The following DCC variants were observed in gnomAD, a reference collection of about 807,000 sequenced individuals.
The protein encoded by DCC is netrin receptor DCC.
Under a neutral mutation model 172.5 loss-of-function variants are expected in DCC, and 58 were observed. That is an observed-to-expected ratio of 0.34 (90% CI 0.27 to 0.42). DCC has a LOEUF of 0.42. DCC is among the 10% of genes least tolerant of loss of function. The pLI is 1.00. For synonymous variants in DCC, 709 were observed against 644.5 expected (o/e 1.10, Z -1.52); for missense variants, 1,740 against 1,791.0 (o/e 0.97, Z 0.51).
intron 1 of DCC, among the ~76,000 whole-genome samples, chr18:52,626,037 C>A (rs530458963): frequency 1.3e-5 from 2 of 152,270 alleles, no homozygotes; most frequent in East Asian, 3.9e-4. Context: ...AATGTACATA[C>A]TCTCTCTAAA....
chr18:53,322,566 A>C lies in DCC; in HGVS notation c.2164+409A>C, dbSNP rs564627863. 5.9e-5 allele frequency among the ~76,000 whole-genome samples: 9 copies of C among 152,116 alleles called. No homozygotes were observed. In the East Asian group the frequency reaches 1.7e-3, roughly 29 times the overall value. On this transcript the variant is annotated intron_variant, in intron 14 of 28. Transcript: ENST00000442544. ...TGCTTTTTTATGAGGCTTTTGAAAA[A>C]CATCTATATGTATTTTTTTACTTGC...
At chr18:52,379,740 A>G (rs1985506099) in intron 1 of DCC, among the ~76,000 whole-genome samples, 1 of 152,190 alleles carries the variant, frequency 6.6e-6, no homozygotes, top group African/African-American at 2.4e-5. Flanking sequence ...ATTTAGGGAC[A>G]GATTGAACAG....
chr18:52,703,147 T>A (rs1280894604), intron 1 of DCC, among the ~76,000 whole-genome samples: 1 of 152,226 alleles, frequency 6.6e-6, no homozygotes, highest in Non-Finnish European at 1.5e-5. Flanking sequence ...TCAATTATTC[T>A]AATTTTTAAA....
intron 6 of DCC, among the ~76,000 whole-genome samples, chr18:53,063,839 A>T (rs1360503807): frequency 6.6e-6 from 1 of 152,148 alleles, no homozygotes; most frequent in Non-Finnish European, 1.5e-5. Context: ...TACCCATTTT[A>T]ATACAGTTTT....
chr18:53,031,332 G>A (rs2042022862), intron 5 of DCC, among the ~76,000 whole-genome samples: 1 of 152,084 alleles, frequency 6.6e-6, no homozygotes, highest in African/African-American at 2.4e-5. Flanking sequence ...TCATAGACTA[G>A]ATATATTGCA....
chr18:52,676,653 G>C (rs1278085373), intron 1 of DCC, among the ~76,000 whole-genome samples: 2 of 152,034 alleles, frequency 1.3e-5, no homozygotes, highest in East Asian at 3.9e-4. Flanking sequence ...GTTCCCAGTG[G>C]GTGCACAAGA....
chr18:53,170,676 T>G (rs890963133), intron 8 of DCC, among the ~76,000 whole-genome samples: 1 of 152,218 alleles, frequency 6.6e-6, no homozygotes, highest in Non-Finnish European at 1.5e-5. Context: ...GTGCCATGTA[T>G]TTTTCTTTAG....
At chr18:52,905,949 T>G (rs912819771) in intron 2 of DCC, 95 bp from the exon 3 acceptor site, 25 of 912,388 alleles carry the variant, frequency 2.7e-5, no homozygotes, top group African/African-American at 4.9e-5. Context: ...TTGTAAAATA[T>G]AATTTTCTAC....
intron 1 of DCC, among the ~76,000 whole-genome samples, chr18:52,593,018 A>G (rs1268338059): frequency 6.6e-6 from 1 of 152,134 alleles, no homozygotes; most frequent in Non-Finnish European, 1.5e-5. Context: ...TTTTTGTCAT[A>G]TCTAGGATTG....
chr18:53,261,822 C>G (rs1426657099), intron 12 of DCC, among the ~76,000 whole-genome samples: 1 of 152,130 alleles, frequency 6.6e-6, no homozygotes, highest in Non-Finnish European at 1.5e-5. Context: ...TTCGTGGGGT[C>G]TGCCTCTGGG....
At chr18:53,332,566 T>C (rs1048563332) in intron 14 of DCC, among the ~76,000 whole-genome samples, 1 of 152,134 alleles carries the variant, frequency 6.6e-6, no homozygotes, top group Non-Finnish European at 1.5e-5. Flanking sequence ...AAAACCTATA[T>C]GGTTTGAAAA....
chr18:53,076,801 T>C (rs964549588), intron 7 of DCC, among the ~76,000 whole-genome samples: 2 of 152,152 alleles, frequency 1.3e-5, no homozygotes, highest in Admixed American at 6.6e-5. Context: ...TCTTAAGGAA[T>C]AGTGATTTGT....
intron 1 of DCC, among the ~76,000 whole-genome samples, chr18:52,449,104 C>A (rs936245770): frequency 3.3e-5 from 5 of 152,184 alleles, no homozygotes; most frequent in Middle Eastern, 3.4e-3. Context: ...TGGATGGCAA[C>A]AGGCAAAAAA....
chr18:53,209,487 A>G lies in DCC; in HGVS notation c.1861+1670A>G, dbSNP rs182232384. Among the ~76,000 whole-genome samples the G allele has an allele frequency of 5.6e-3, 854 of 152,260 alleles. 6 individuals are homozygous for G. The highest frequency in any genetic ancestry group is 0.023 in the Admixed American group (351 of 15,290). On this transcript the variant is annotated intron_variant, in intron 11 of 28. Transcript: ENST00000442544. ...ACTTTAGCTTGTGATTTCTTGACAGATCTATCATTGTTTATTCTGGGAAAG... is the reference window on the plus strand; with the variant it reads ...ACTTTAGCTTGTGATTTCTTGACAGGTCTATCATTGTTTATTCTGGGAAAG...
chr18:53,327,604 A>C (rs1473280031), intron 14 of DCC, among the ~76,000 whole-genome samples: 1 of 152,184 alleles, frequency 6.6e-6, no homozygotes, highest in Non-Finnish European at 1.5e-5. Context: ...ATGCAGCAAA[A>C]AAATGTGAAT....
At chr18:53,369,315 G>GT (rs1194730001) in intron 15 of DCC, among the ~76,000 whole-genome samples, 1 of 151,690 alleles carries the variant, frequency 6.6e-6, no homozygotes, top group Middle Eastern at 3.2e-3. Flanking sequence ...AGGTGTTTTG[G>GT]TTTTTTTGTA....
At chr18:52,798,098 T>C (rs1340758757) in intron 2 of DCC, among the ~76,000 whole-genome samples, 1 of 146,606 alleles carries the variant, frequency 6.8e-6, no homozygotes, top group African/African-American at 2.5e-5. Context: ...CATAGCAGCT[T>C]CTTCCTCTGG....
intron 1 of DCC, among the ~76,000 whole-genome samples, chr18:52,630,046 A>T (rs1293534736): frequency 6.6e-6 from 1 of 151,702 alleles, no homozygotes; most frequent in African/African-American, 2.4e-5. Flanking sequence ...GAACCCAGGA[A>T]GTAGAGGTTG....
chr18:53,194,463 TTTG>T (rs1054728351), intron 9 of DCC, among the ~76,000 whole-genome samples: 15 of 152,004 alleles, frequency 9.9e-5, no homozygotes, highest in Admixed American at 3.3e-4. Context: ...TGTTGTTGTT[TTTG>T]TTGTTGTTTG....
Sources: allele counts gnomAD v4.1 joint callset (sites outside exome capture counted in the v4.1 genomes callset), GRCh38; gene constraint gnomAD v4.1.1; transcripts MANE v1.5; gene names NCBI Gene and HGNC (gene_info 2026-07-23, HGNC 2026-07-21).